Variants in VRTN observed in about 807,000 individuals in gnomAD.
The protein encoded by VRTN is vertebrae development associated.
VRTN carries 5 observed loss-of-function variants against 18.2 expected under a neutral mutation model. That is an observed-to-expected ratio of 0.27 (90% CI 0.14 to 0.58). The LOEUF is 0.58. Ranked by LOEUF, VRTN falls within the 20% of genes least tolerant of loss-of-function variation. The pLI, the probability that VRTN is intolerant of heterozygous loss-of-function variation, is 0.91. For synonymous variants in VRTN, 381 were observed against 393.7 expected, an observed-to-expected ratio of 0.97 and a Z score of 0.38; for missense variants, 741 against 939.4, an observed-to-expected ratio of 0.79 and a Z score of 2.76.
At position 74,356,399 on chromosome 14, in the gene VRTN, G is replaced by C. The variant is rs925404908; in HGVS notation, c.-1-384G>C. 2.6e-5 allele frequency among the ~76,000 whole-genome samples: 4 copies of C among 152,120 alleles called. No homozygotes were observed. In the East Asian group the frequency reaches 7.7e-4, roughly 29 times the overall value. ...GGGTTTCACCATGTTGGCCAGGCTG[G>C]TCTCGAACTCCTGCCCTCAAGTGAT... is the stretch of plus-strand genomic sequence containing the variant. On this transcript the variant is annotated intron_variant, in intron 1 of 1. Coordinates refer to ENST00000256362, the MANE Select transcript of VRTN (RefSeq NM_018228.3).
At chr14:74,356,757 T>G in intron 1 of VRTN, 26 bp from the exon 2 acceptor site, 1 of 1,556,014 alleles carries the variant, frequency 6.4e-7, no homozygotes, top group Non-Finnish European at 8.7e-7. Context: ...ACCTGACTAC[T>G]GCCCCTTTAT....
intron 1 of VRTN, among the ~76,000 whole-genome samples, chr14:74,336,083 G>GGCAAAAATGCAAAC (rs2085561960): frequency 6.6e-6 from 1 of 151,454 alleles, no homozygotes; most frequent in South Asian, 2.1e-4. Flanking sequence ...GCATTCTTGT[G>GGCAAAAATGCAAAC]GCAAAAATGC....
intron 1 of VRTN, among the ~76,000 whole-genome samples, chr14:74,327,615 G>A (rs1397378256): frequency 6.6e-6 from 1 of 152,154 alleles, no homozygotes; most frequent in Non-Finnish European, 1.5e-5. Flanking sequence ...CCTGGCTTTG[G>A]TTTGCTGCTC....
intron 1 of VRTN, among the ~76,000 whole-genome samples, chr14:74,337,298 G>A (rs541530236): frequency 6.6e-6 from 1 of 152,200 alleles, no homozygotes; most frequent in East Asian, 1.9e-4. Flanking sequence ...AGCCGAGATC[G>A]TGCCACTTTA....
chr14:74,329,681 C>T (rs1870592173), intron 1 of VRTN, among the ~76,000 whole-genome samples: 2 of 147,426 alleles, frequency 1.4e-5, no homozygotes, highest in Non-Finnish European at 3.0e-5. Flanking sequence ...TGGGTTCAAG[C>T]GATTCTCCTG....
At chr14:74,310,680 G>A (rs997032245) in intron 1 of VRTN, among the ~76,000 whole-genome samples, 2 of 151,632 alleles carry the variant, frequency 1.3e-5, no homozygotes, top group African/African-American at 4.8e-5. Flanking sequence ...TGGGACCACA[G>A]GCATGTGCCA....
intron 1 of VRTN, among the ~76,000 whole-genome samples, chr14:74,321,415 GGAC>G (rs1294102847): frequency 6.6e-6 from 1 of 152,122 alleles, no homozygotes; most frequent in African/African-American, 2.4e-5. Context: ...TGGGGTACAT[GGAC>G]GTGGTCATAG....
intron 1 of VRTN, among the ~76,000 whole-genome samples, chr14:74,308,823 G>C (rs1157634077): frequency 6.6e-6 from 1 of 151,234 alleles, no homozygotes; most frequent in Non-Finnish European, 1.5e-5. Context: ...GCTCTTCAAG[G>C]CTTCTTATGC....
At chr14:74,316,455 G>A (rs546255786) in intron 1 of VRTN, among the ~76,000 whole-genome samples, 3 of 151,928 alleles carry the variant, frequency 2.0e-5, no homozygotes, top group South Asian at 4.2e-4. Context: ...AGAGGCTGTG[G>A]TGAGCCGAGA....
chr14:74,347,770 G>A (rs2085653047), upstream of VRTN, among the ~76,000 whole-genome samples: 1 of 152,238 alleles, frequency 6.6e-6, no homozygotes, highest in African/African-American at 2.4e-5. Context: ...TGCAGGTACT[G>A]CGTGCCCCCA....
intron 1 of VRTN, among the ~76,000 whole-genome samples, chr14:74,318,430 C>T (rs890080666): frequency 2.6e-5 from 4 of 152,168 alleles, no homozygotes; most frequent in Admixed American, 2.0e-4. Flanking sequence ...GCCACCACGC[C>T]CGGCTATTTT....
At chr14:74,306,368 T>G (rs1293724976) in intron 1 of VRTN, 1 of 150,968 alleles carries the variant, frequency 6.6e-6, no homozygotes, top group Non-Finnish European at 1.5e-5. Context: ...AGGCAGGGGT[T>G]GGGGGGAGGT....
chr14:74,333,345 T>C (rs1424770122), intron 1 of VRTN, among the ~76,000 whole-genome samples: 1 of 152,004 alleles, frequency 6.6e-6, no homozygotes, highest in Non-Finnish European at 1.5e-5. Context: ...ATTACACCAT[T>C]GCATTCCAGC....
chr14:74,348,279 A>T (rs972158299), upstream of VRTN: 1 of 152,062 alleles, frequency 6.6e-6, no homozygotes, highest in South Asian at 2.1e-4. Flanking sequence ...TTCTCTGGGC[A>T]GTTTGGGGTT....
Position 74,358,113 on chromosome 14 carries a change from C to T in VRTN, c.1330C>T (p.Leu444Phe). ...STYYNWRRKA[L>F]RRNPSFKPAP... ...TTATTATAATTGGCGGCGAAAGGCC[C>T]TCCGGAGGAACCCCAGCTTCAAGCC... Residue 444 changes from leucine to phenylalanine, a missense_variant, in exon 2 of 2, where the codon CTC becomes TTC. By Grantham distance (22) the Leu-to-Phe change is conservative. Transcript: ENST00000256362. The surrounding 1 kb of genome is among the most constrained non-coding windows in gnomAD (Gnocchi z 5.4). The T allele has an allele frequency of 1.9e-6, 3 of 1,614,176 alleles. No homozygotes were observed. The highest frequency in any genetic ancestry group is 2.5e-6 in the Non-Finnish European group (3 of 1,180,046).
At chr14:74,305,889 G>A (rs975052995) in intron 1 of VRTN, 3 of 151,920 alleles carry the variant, frequency 2.0e-5, no homozygotes, top group Admixed American at 2.0e-4. Context: ...GCCCACCTTG[G>A]CCTCCCAAAG....
intron 1 of VRTN, among the ~76,000 whole-genome samples, chr14:74,320,922 AG>A (rs1280820958): frequency 3.8e-5 from 5 of 131,278 alleles, no homozygotes; most frequent in Non-Finnish European, 7.6e-5. Flanking sequence ...AAAAAAAAAA[AG>A]CAGCAGCAGC....
chr14:74,303,113 C>T (rs2085145789), exon 1 of VRTN: 1 of 468,032 alleles, frequency 2.1e-6, no homozygotes, highest in Non-Finnish European at 3.8e-6. Flanking sequence ...GGCTACAGCG[C>T]CCCCATATTT....
chr14:74,340,225 A>G (rs1012813372), intron 2 of VRTN, among the ~76,000 whole-genome samples: 32 of 149,746 alleles, frequency 2.1e-4, no homozygotes, highest in Non-Finnish European at 3.5e-4. Context: ...CGATTCTCCT[A>G]CTTCAGCCTC....
Sources: allele counts gnomAD v4.1 joint callset (sites outside exome capture counted in the v4.1 genomes callset), GRCh38; gene constraint gnomAD v4.1.1; non-coding constraint Gnocchi (gnomAD v3.1); transcripts MANE v1.5; gene names NCBI Gene and HGNC (gene_info 2026-07-23, HGNC 2026-07-21).